ORC3: variants seen among roughly 807,000 people sequenced by gnomAD.
The protein encoded by ORC3 is homolog of latheo, Drosophila.
Under a neutral mutation model 100.7 loss-of-function variants are expected in ORC3, and 78 were observed. The ratio of observed to expected loss-of-function variants is 0.77; its 90% CI spans 0.65 to 0.94. ORC3 has a LOEUF of 0.94. Ranked by LOEUF, ORC3 falls within the 40% of genes least tolerant of loss-of-function variation. The pLI, the probability that ORC3 is intolerant of heterozygous loss-of-function variation, is 0.00. For synonymous variants in ORC3, 295 were observed against 289.3 expected, an observed-to-expected ratio of 1.02 and a Z score of -0.20; for missense variants, 789 against 823.9, an observed-to-expected ratio of 0.96 and a Z score of 0.52.
chr6:87,624,878 T>C (rs1266928948), intron 11 of ORC3, among the ~76,000 whole-genome samples: 5 of 152,142 alleles, frequency 3.3e-5, no homozygotes. Context: ...TGGTGTGTGA[T>C]GTTCCCCACC....
At chr6:87,623,720 C>G (rs1010062657) in intron 11 of ORC3, among the ~76,000 whole-genome samples, 1 of 152,050 alleles carries the variant, frequency 6.6e-6, no homozygotes, top group Non-Finnish European at 1.5e-5. Context: ...CCCATCTCTA[C>G]TAAAAATACA....
intron 2 of ORC3, among the ~76,000 whole-genome samples, chr6:87,595,912 C>T (rs1021337515): frequency 6.6e-6 from 1 of 152,218 alleles, no homozygotes; most frequent in Non-Finnish European, 1.5e-5. Context: ...TAGCTCACTT[C>T]AGCCTTGAAA....
intron 13 of ORC3, among the ~76,000 whole-genome samples, chr6:87,637,640 A>C (rs1033401999): frequency 3.9e-5 from 6 of 152,222 alleles, no homozygotes; most frequent in African/African-American, 1.4e-4. Context: ...CTTTGTGATT[A>C]GTAATTGTCT....
the ORC3 span, among the ~76,000 whole-genome samples, chr6:87,673,790 G>A: frequency 5.9e-5 from 9 of 151,802 alleles, no homozygotes; most frequent in South Asian, 2.1e-4. Flanking sequence ...ACAGTGAGCC[G>A]AGATGGCAGC....
chr6:87,658,102 C>A, intron 16 of ORC3, 84 bp downstream of exon 16: 1 of 704,724 alleles, frequency 1.4e-6, no homozygotes, highest in Non-Finnish European at 2.5e-6. Context: ...TATAGCCAAT[C>A]CAGAACATTT....
rs55758892 is a variant in ORC3 at position 87,597,680 on chromosome 6, TACACACACAC to T, written c.79+3295_79+3304del. ...TTTTTTAAGTAATGATATATATATA[TACACACACAC>T]ACACACACACACACACACACATATA... is the stretch of plus-strand genomic sequence containing the variant. On this transcript the variant is annotated intron_variant, in intron 2 of 19. Transcript: ENST00000392844. Among the ~76,000 whole-genome samples, 12 of 138,526 alleles carry T rather than the reference TACACACACAC, an allele frequency of 8.7e-5. No individual in the cohort carries two copies. The South Asian group carries it at 1.6e-3, about 18-fold the overall frequency. The allele number at this position is 138,526 out of a possible 152,430, so 90.9% of individuals were successfully genotyped here. A position where few individuals can be genotyped will look rare whatever the true frequency, so the allele number is the denominator to read the frequency against.
intron 13 of ORC3, among the ~76,000 whole-genome samples, chr6:87,649,274 T>C (rs1382768584): frequency 6.6e-6 from 1 of 152,218 alleles, no homozygotes. Flanking sequence ...CACCTAGATC[T>C]CTTTCTGAAC....
intron 1 of ORC3, among the ~76,000 whole-genome samples, chr6:87,592,865 G>A (rs750536770): frequency 3.3e-5 from 5 of 152,078 alleles, no homozygotes; most frequent in Non-Finnish European, 5.9e-5. Context: ...AGGCCGAGGC[G>A]GATGGATCAC....
At chr6:87,647,242 T>C (rs34423353) in intron 13 of ORC3, among the ~76,000 whole-genome samples, 8,830 of 152,270 alleles carry the variant, frequency 0.058, 311 homozygotes, top group African/African-American at 0.099. Context: ...ACTATGTGAC[T>C]GCCCCCCTCC....
intron 13 of ORC3, among the ~76,000 whole-genome samples, chr6:87,640,053 G>A (rs568526054): frequency 1.4e-4 from 22 of 151,950 alleles, no homozygotes; most frequent in Non-Finnish European, 2.8e-4. Context: ...AGAAGGAGGC[G>A]GATTCAAACC....
At chr6:87,612,580 A>G (rs1778858594) in intron 8 of ORC3, among the ~76,000 whole-genome samples, 1 of 152,122 alleles carries the variant, frequency 6.6e-6, no homozygotes, top group South Asian at 2.1e-4. Flanking sequence ...CTTTGTAGTA[A>G]CAATGTATTT....
intron 6 of ORC3, 112 bp from the exon 7 acceptor site, chr6:87,608,983 AT>A (rs774782099): frequency 1.6e-5 from 13 of 804,126 alleles, no homozygotes; most frequent in South Asian, 1.1e-4. Context: ...TAGAAAAAAA[AT>A]AAACAGTGTT....
At position 87,661,730 on chromosome 6, in the gene ORC3, T is replaced by C. The variant is rs373603045; in HGVS notation, c.1692-1273T>C. On this transcript the variant is annotated intron_variant, in intron 16 of 19. Coordinates refer to ENST00000392844, the MANE Select transcript of ORC3 (RefSeq NM_012381.4). ...AAGCTGTCATGTGGCCAAAATACTTTAGGCTCAGGACTGGACTAAGCCCCA... is the reference window on the plus strand; with the variant it reads ...AAGCTGTCATGTGGCCAAAATACTTCAGGCTCAGGACTGGACTAAGCCCCA... Among the ~76,000 whole-genome samples the C allele has an allele frequency of 1.3e-3, 199 of 152,296 alleles. 8 individuals carry two copies. In the South Asian group the frequency reaches 0.04, roughly 30 times the overall value.
the ORC3 span, chr6:87,677,791 A>G: frequency 2.5e-6 from 4 of 1,603,782 alleles, no homozygotes; most frequent in Admixed American, 5.1e-5. Flanking sequence ...TGAGTTCCTC[A>G]GAAACTCTAA....
At chr6:87,644,153 CGGGATCTCG>C (rs1185074384) in intron 13 of ORC3, among the ~76,000 whole-genome samples, 1 of 117,682 alleles carries the variant, frequency 8.5e-6, no homozygotes, top group Non-Finnish European at 1.6e-5. Context: ...AGTGCAGTGG[CGGGATCTCG>C]GCTCACTGCA....
At chr6:87,633,080 A>T (rs772979943) in intron 11 of ORC3, among the ~76,000 whole-genome samples, 12 of 152,146 alleles carry the variant, frequency 7.9e-5, no homozygotes, top group Non-Finnish European at 1.6e-4. Context: ...TATCCAAGTA[A>T]ATGGAATGAA....
At chr6:87,627,096 CAAG>C (rs1244692462) in intron 11 of ORC3, among the ~76,000 whole-genome samples, 1 of 151,566 alleles carries the variant, frequency 6.6e-6, no homozygotes, top group Non-Finnish European at 1.5e-5. Flanking sequence ...CTCCCAGGTT[CAAG>C]AAGTTCTCCT....
chr6:87,666,548 C>G (rs998853226), intron 19 of ORC3, among the ~76,000 whole-genome samples: 1 of 150,600 alleles, frequency 6.6e-6, no homozygotes, highest in Non-Finnish European at 1.5e-5. Context: ...AAGCGATTCT[C>G]CTGCCTCAGC....
At position 87,601,833 on chromosome 6, in the gene ORC3, A is replaced by G. The variant is rs2128247551; in HGVS notation, c.129A>G (p.Arg43=). The change falls in exon 3 of 20, where the codon CGA becomes CGG. Residue 43 remains arginine (R), a synonymous_variant. Transcript: ENST00000392844. The part of the protein sequence containing the change: ...GKNEPEDSKL[R]FETYQLIWQQ... ...ATGAGCCTGAGGACAGTAAGCTTCG[A>G]TTCGAAACTTATCAGTTGATATGGC... 1.2e-6 allele frequency: 2 copies of G among 1,612,224 alleles called. No individual in the cohort carries two copies. Among genetic ancestry groups the G allele is most frequent in the African/African-American group, 1.3e-5 (1 of 75,010 alleles).
Sources: allele counts gnomAD v4.1 joint callset (sites outside exome capture counted in the v4.1 genomes callset), GRCh38; gene constraint gnomAD v4.1.1; transcripts MANE v1.5; gene names NCBI Gene and HGNC (gene_info 2026-07-23, HGNC 2026-07-21).